CNTN5: variants seen among roughly 807,000 people sequenced by gnomAD.
CNTN5 encodes contactin 5.
A neutral mutation model predicts 129.1 loss-of-function variants in CNTN5; 77 were observed. The ratio of observed to expected loss-of-function variants is 0.60; its 90% CI spans 0.50 to 0.72. The LOEUF (loss-of-function observed/expected upper bound fraction) is 0.72. Among genes scored for constraint, CNTN5 ranks in the 30% least tolerant of loss-of-function variants. The probability of loss-of-function intolerance (pLI) is 0.00; values close to 1 mark genes in which losing one functional copy is unlikely to be tolerated. For missense variants in CNTN5, 1,478 were observed against 1,328.8 expected, an observed-to-expected ratio of 1.11 and a Z score of -1.75; for synonymous variants, 509 against 465.6, an observed-to-expected ratio of 1.09 and a Z score of -1.20.
Position 99,140,201 on chromosome 11 carries a change from A to G in CNTN5, c.-210+118931A>G, listed in dbSNP as rs7113482. Among the ~76,000 whole-genome samples, 311 of 152,300 alleles carry G rather than the reference A, an allele frequency of 2.0e-3. 1 individual carries two copies. The highest frequency in any genetic ancestry group is 7.0e-3 in the African/African-American group (290 of 41,582). On this transcript the variant is annotated intron_variant, in intron 1 of 24. Transcript: ENST00000524871. ...ATAATAAAACATTATTTTTAGTGTA[A>G]TATCTTTTTAAAAAATTCCAAAATT... is the stretch of plus-strand genomic sequence containing the variant.
intron 8 of CNTN5, among the ~76,000 whole-genome samples, chr11:99,961,206 G>GAGAAAAAA (rs1555167359): frequency 4.2e-5 from 4 of 95,696 alleles, no homozygotes; most frequent in African/African-American, 4.0e-5. Flanking sequence ...CTCCGTCTCA[G>GAGAAAAAA]AAAAAAAAAA....
chr11:100,146,785 T>C (rs929593682), intron 13 of CNTN5, among the ~76,000 whole-genome samples: 1 of 152,158 alleles, frequency 6.6e-6, no homozygotes, highest in Non-Finnish European at 1.5e-5. Context: ...ATATAAATGA[T>C]TAGGCAAGGT....
chr11:100,105,402 T>C (rs1210359136), intron 13 of CNTN5, among the ~76,000 whole-genome samples: 1 of 152,164 alleles, frequency 6.6e-6, no homozygotes, highest in Non-Finnish European at 1.5e-5. Flanking sequence ...AGAACTTCTG[T>C]GAGACTTCCG....
At chr11:99,688,765 A>G (rs1012984546) in intron 3 of CNTN5, among the ~76,000 whole-genome samples, 6 of 152,064 alleles carry the variant, frequency 3.9e-5, no homozygotes, top group African/African-American at 9.6e-5. Flanking sequence ...TCTCCCCGCC[A>G]CCCTCTGACA....
At chr11:99,754,538 C>A (rs2135241736) in intron 3 of CNTN5, among the ~76,000 whole-genome samples, 1 of 152,242 alleles carries the variant, frequency 6.6e-6, no homozygotes, top group African/African-American at 2.4e-5. Flanking sequence ...ACAATTACCT[C>A]CTAAGAGAAG....
At chr11:99,800,173 A>T (rs1946069961) in intron 3 of CNTN5, among the ~76,000 whole-genome samples, 1 of 151,820 alleles carries the variant, frequency 6.6e-6, no homozygotes, top group Non-Finnish European at 1.5e-5. Context: ...CAGTGTTTTC[A>T]TTTATTTCAT....
At chr11:99,371,691 T>C (rs1209955336) in intron 2 of CNTN5, among the ~76,000 whole-genome samples, 1 of 152,212 alleles carries the variant, frequency 6.6e-6, no homozygotes, top group African/African-American at 2.4e-5. Flanking sequence ...TTCCAAATTT[T>C]AGTTTCACCT....
intron 3 of CNTN5, among the ~76,000 whole-genome samples, chr11:99,713,563 C>A (rs1955092468): frequency 6.6e-6 from 1 of 151,738 alleles, no homozygotes; most frequent in Admixed American, 6.6e-5. Flanking sequence ...GGGTAAATTG[C>A]AGAAAAAATT....
chr11:99,981,103 T>TATATATATATAC (rs1014330113), intron 8 of CNTN5, among the ~76,000 whole-genome samples: 12 of 54,498 alleles, frequency 2.2e-4, no homozygotes, highest in African/African-American at 1.0e-3. Context: ...TATATATATA[T>TATATATATATAC]ACACACACAC....
At chr11:100,146,977 C>T (rs1946870784) in intron 13 of CNTN5, among the ~76,000 whole-genome samples, 1 of 152,148 alleles carries the variant, frequency 6.6e-6, no homozygotes, top group African/African-American at 2.4e-5. Flanking sequence ...TAGGCTATTT[C>T]AGTAACCTCC....
At chr11:100,087,369 G>A (rs1180804638) in intron 13 of CNTN5, among the ~76,000 whole-genome samples, 2 of 151,688 alleles carry the variant, frequency 1.3e-5, no homozygotes, top group African/African-American at 2.4e-5. Context: ...AACTCAAGGT[G>A]TAAATGCTTT....
intron 8 of CNTN5, among the ~76,000 whole-genome samples, chr11:99,987,685 A>T (rs1234312490): frequency 6.6e-6 from 1 of 152,124 alleles, no homozygotes; most frequent in East Asian, 1.9e-4. Context: ...CAAAATTGGG[A>T]ATGGGTAAAT....
chr11:99,422,094 A>G (rs1291666497), intron 2 of CNTN5, among the ~76,000 whole-genome samples: 1 of 152,176 alleles, frequency 6.6e-6, no homozygotes, highest in Non-Finnish European at 1.5e-5. Context: ...AGAGGCGGAA[A>G]TCTAGAGTAG....
intron 2 of CNTN5, among the ~76,000 whole-genome samples, chr11:99,551,570 G>T (rs1001733696): frequency 4.6e-5 from 7 of 152,154 alleles, no homozygotes; most frequent in Non-Finnish European, 1.5e-5. Flanking sequence ...ATCCCTTAAT[G>T]ACTGAGCCAT....
intron 1 of CNTN5, among the ~76,000 whole-genome samples, chr11:99,091,021 CAAAAAAAAAA>C (rs68113369): frequency 3.0e-4 from 17 of 56,764 alleles, no homozygotes; most frequent in East Asian, 2.0e-3. Flanking sequence ...GACTCCGTCT[CAAAAAAAAAA>C]AAAAAAAAAA....
intron 13 of CNTN5, among the ~76,000 whole-genome samples, chr11:100,189,974 G>T (rs1948427820): frequency 6.6e-6 from 1 of 151,940 alleles, no homozygotes; most frequent in African/African-American, 2.4e-5. Flanking sequence ...TTCCTGGGCA[G>T]TTTTTTTCAG....
chr11:100,327,614 C>T (rs529295523), intron 21 of CNTN5, among the ~76,000 whole-genome samples: 8 of 152,268 alleles, frequency 5.3e-5, no homozygotes, highest in East Asian at 3.9e-4. Flanking sequence ...TTCAACAGAT[C>T]GTGCCCTAAG....
chr11:99,897,509 A>G (rs996990385), intron 6 of CNTN5, among the ~76,000 whole-genome samples: 12 of 152,282 alleles, frequency 7.9e-5, no homozygotes, highest in African/African-American at 2.9e-4. Flanking sequence ...CTCCTTTAAA[A>G]AAAAAATGTC....
intron 3 of CNTN5, among the ~76,000 whole-genome samples, chr11:99,730,415 C>G (rs925427225): frequency 4.6e-5 from 7 of 152,204 alleles, no homozygotes; most frequent in Non-Finnish European, 1.0e-4. Context: ...AAATAAAGAT[C>G]TGTTCAAGAC....
Sources: gnomAD v4.1 joint callset for allele counts (sites outside exome capture counted in the v4.1 genomes callset) on GRCh38, gnomAD v4.1.1 for gene constraint, MANE v1.5 for transcripts, NCBI Gene and HGNC (gene_info 2026-07-23, HGNC 2026-07-21) for gene names.